Variants in APBB2 observed in about 807,000 individuals in gnomAD.
APBB2 encodes the protein Fe65-like 1.
In APBB2, 38 loss-of-function variants were observed where a neutral mutation model predicts 82.5. That is an observed-to-expected ratio of 0.46 (90% confidence interval 0.36 to 0.60). The LOEUF (loss-of-function observed/expected upper bound fraction) is 0.60, where lower values mean the gene tolerates loss of function less well. APBB2 is among the 20% of genes least tolerant of loss of function. The pLI, the probability that APBB2 is intolerant of heterozygous loss-of-function variation, is 0.00. For missense variants in APBB2, 772 were observed against 972.3 expected, an observed-to-expected ratio of 0.79 and a Z score of 2.74; for synonymous variants, 341 against 368.2, an observed-to-expected ratio of 0.93 and a Z score of 0.85.
At chr4:41,158,471 A>C (rs1764020560) in intron 1 of APBB2, among the ~76,000 whole-genome samples, 1 of 152,226 alleles carries the variant, frequency 6.6e-6, no homozygotes, top group South Asian at 2.1e-4. Context: ...GAACATCTGG[A>C]AAACTTTTCC....
At chr4:41,184,952 A>C (rs1250616075) in intron 1 of APBB2, among the ~76,000 whole-genome samples, 1 of 152,176 alleles carries the variant, frequency 6.6e-6, no homozygotes, top group Middle Eastern at 3.2e-3. Context: ...GCAAATAAAC[A>C]TCCTGCTTCC....
chr4:41,095,557 A>G (rs1391064536), intron 3 of APBB2, among the ~76,000 whole-genome samples: 1 of 152,174 alleles, frequency 6.6e-6, no homozygotes, highest in Non-Finnish European at 1.5e-5. Context: ...TTATCTAATC[A>G]TACCTATTAC....
At chr4:41,088,637 C>A (rs1002742059) in intron 3 of APBB2, among the ~76,000 whole-genome samples, 4 of 152,218 alleles carry the variant, frequency 2.6e-5, no homozygotes, top group Non-Finnish European at 5.9e-5. Context: ...CTATATCTAG[C>A]TGTGCTGACA....
chr4:40,813,936 T>C lies in APBB2; in HGVS notation c.*2156A>G, dbSNP rs1376903230. Reference sequence around the variant, plus strand: ...GATGGCACTGGTTACTTCAGATCAGTAGTATGTCAATTGGTGAAAAACAGA... The same window carrying C: ...GATGGCACTGGTTACTTCAGATCAGCAGTATGTCAATTGGTGAAAAACAGA... On this transcript the variant is annotated 3_prime_UTR_variant, in exon 18 of 18. Transcript: ENST00000508593. The C allele has an allele frequency of 1.3e-5, 2 of 152,206 alleles. No individual in the cohort carries two copies. 9.4% of individuals were successfully genotyped at this position (152,206 alleles called of 1,614,324 possible).
intron 5 of APBB2, among the ~76,000 whole-genome samples, chr4:41,023,230 A>G (rs138669892): frequency 5.3e-5 from 8 of 152,330 alleles, no homozygotes; most frequent in African/African-American, 1.7e-4. Context: ...AGCATCAGGC[A>G]TATTGTTAAA....
At chr4:40,991,589 T>C (rs1471631183) in intron 6 of APBB2, among the ~76,000 whole-genome samples, 1 of 152,120 alleles carries the variant, frequency 6.6e-6, no homozygotes, top group Non-Finnish European at 1.5e-5. Context: ...CCTGCTTTTA[T>C]CCCTGTGTCT....
intron 6 of APBB2, among the ~76,000 whole-genome samples, chr4:40,982,413 G>GAA (rs1799257374): frequency 1.0e-5 from 1 of 99,632 alleles, no homozygotes; most frequent in Admixed American, 9.5e-5. Context: ...AAGAAAGAAA[G>GAA]AAAGAAAGAA....
chr4:41,000,059 A>ATGTGTGTGTGTG lies in APBB2; in HGVS notation c.835+13523_835+13524insCACACACACACA, dbSNP rs1307419146. 8.2e-4 allele frequency among the ~76,000 whole-genome samples: 76 copies of ATGTGTGTGTGTG among 92,956 alleles called. 1 individual carries two copies. The East Asian group carries it at 8.4e-3, about 10-fold the overall frequency. 61.0% of individuals were successfully genotyped at this position (92,956 alleles called of 152,430 possible). ...TGTGTGTGTGTATGTATATGTATAT[A>ATGTGTGTGTGTG]TATGTGTGTATGTGTGTGTGTGTGT... is the stretch of plus-strand genomic sequence containing the variant. On this transcript the variant is annotated intron_variant, in intron 6 of 17. Transcript: ENST00000508593.
intron 2 of APBB2, among the ~76,000 whole-genome samples, chr4:41,101,149 T>C (rs1349491780): frequency 6.6e-6 from 1 of 152,190 alleles, no homozygotes; most frequent in African/African-American, 2.4e-5. Flanking sequence ...GCTCATCTTA[T>C]CAACACAGAA....
At chr4:40,986,914 C>A (rs775118537) in intron 6 of APBB2, among the ~76,000 whole-genome samples, 2 of 152,054 alleles carry the variant, frequency 1.3e-5, no homozygotes, top group African/African-American at 4.8e-5. Context: ...CAAAGGAGTA[C>A]GACAGGAATG....
chr4:41,081,154 T>C (rs1737473488), intron 3 of APBB2, among the ~76,000 whole-genome samples: 4 of 152,244 alleles, frequency 2.6e-5, no homozygotes, highest in South Asian at 2.1e-4. Context: ...TATGCTCACA[T>C]GGTATTTTGA....
chr4:40,838,367 G>A (rs574263923), intron 12 of APBB2, among the ~76,000 whole-genome samples: 52 of 125,638 alleles, frequency 4.1e-4, no homozygotes, highest in Admixed American at 3.9e-3. Flanking sequence ...ACGGAGTCTC[G>A]CTCTGTCGCC....
chr4:40,969,731 C>G (rs547173237), intron 6 of APBB2, among the ~76,000 whole-genome samples: 1 of 152,236 alleles, frequency 6.6e-6, no homozygotes, highest in East Asian at 1.9e-4. Context: ...TCTCTGTGAA[C>G]AAGCTTATGT....
chr4:40,934,534 A>G lies in APBB2; in HGVS notation c.1194-18T>C. 1 of 1,614,018 alleles carries G rather than the reference A, an allele frequency of 6.2e-7. No homozygotes were observed. The highest frequency in any genetic ancestry group is 1.1e-5 in the South Asian group (1 of 91,080). ...GGGCATTTCTAGGCAGAAAAACAGA[A>G]AAGTGGACTTAGAATTCTATTGCAA... On this transcript the variant is annotated intron_variant, in intron 9 of 17. Coordinates refer to ENST00000508593, the MANE Select transcript of APBB2 (RefSeq NM_004307.2).
At chr4:40,940,485 A>G (rs1786586792) in intron 7 of APBB2, among the ~76,000 whole-genome samples, 1 of 152,176 alleles carries the variant, frequency 6.6e-6, no homozygotes. Flanking sequence ...CCAGCACTCA[A>G]TGTCATGATT....
At chr4:40,817,299 T>C (rs1277548876) in intron 17 of APBB2, among the ~76,000 whole-genome samples, 1 of 152,006 alleles carries the variant, frequency 6.6e-6, no homozygotes, top group Non-Finnish European at 1.5e-5. Flanking sequence ...TTCCAGCTAC[T>C]TGGGAGGCTG....
At chr4:41,009,394 G>A (rs1807690339) in intron 6 of APBB2, among the ~76,000 whole-genome samples, 1 of 151,928 alleles carries the variant, frequency 6.6e-6, no homozygotes, top group Non-Finnish European at 1.5e-5. Context: ...TTTCTTAAAG[G>A]ACAGACTACA....
intron 3 of APBB2, among the ~76,000 whole-genome samples, chr4:41,086,450 G>C (rs1481221950): frequency 6.6e-6 from 1 of 152,162 alleles, no homozygotes; most frequent in Non-Finnish European, 1.5e-5. Flanking sequence ...ACAGCTTATT[G>C]AAAGGATTAT....
chr4:40,966,626 C>T (rs113641106), intron 6 of APBB2, among the ~76,000 whole-genome samples: 2 of 152,358 alleles, frequency 1.3e-5, no homozygotes, highest in African/African-American at 4.8e-5. Flanking sequence ...GCAGTTGTGG[C>T]TGAGCCTGGG....
Sources: gnomAD v4.1 joint callset for allele counts (sites outside exome capture counted in the v4.1 genomes callset) on GRCh38, gnomAD v4.1.1 for gene constraint, MANE v1.5 for transcripts, NCBI Gene and HGNC (gene_info 2026-07-23, HGNC 2026-07-21) for gene names.